Variants in CACHD1 observed in about 807,000 individuals in gnomAD.
CACHD1 encodes the protein VWFA and cache domain-containing protein 1.
A neutral mutation model predicts 138.7 loss-of-function variants in CACHD1; 71 were observed. That is an observed-to-expected ratio of 0.51 (90% CI 0.42 to 0.62). CACHD1 has a LOEUF of 0.62. Among genes scored for constraint, CACHD1 ranks in the 20% least tolerant of loss-of-function variants. The pLI is 0.00. For synonymous variants in CACHD1, 578 were observed against 591.5 expected (o/e 0.98, Z 0.33); for missense variants, 1,389 against 1,625.3 (o/e 0.85, Z 2.50).
chr1:64,565,520 G>T (rs976552985), intron 2 of CACHD1, among the ~76,000 whole-genome samples: 9 of 152,188 alleles, frequency 5.9e-5, no homozygotes, highest in African/African-American at 2.2e-4. Context: ...ATCTCTGTCC[G>T]TCTTAGCTCT....
chr1:64,499,432 T>C (rs368894388), intron 1 of CACHD1, among the ~76,000 whole-genome samples: 2 of 152,216 alleles, frequency 1.3e-5, no homozygotes, highest in African/African-American at 4.8e-5. Context: ...CCACACACTT[T>C]GCAAAACATG....
chr1:64,475,224 G>A (rs1434630688), intron 1 of CACHD1, among the ~76,000 whole-genome samples: 1 of 131,666 alleles, frequency 7.6e-6, no homozygotes, highest in African/African-American at 2.7e-5. Flanking sequence ...TGTCACCTAG[G>A]CTGGAGTGCA....
At chr1:64,589,491 C>CGT (rs202013898) in intron 3 of CACHD1, among the ~76,000 whole-genome samples, 30 of 151,284 alleles carry the variant, frequency 2.0e-4, no homozygotes, top group African/African-American at 4.4e-4. Context: ...TGTGTGCGTG[C>CGT]GTGTGTGTGT....
intron 2 of CACHD1, among the ~76,000 whole-genome samples, chr1:64,568,581 G>A (rs558157512): frequency 1.5e-4 from 23 of 152,170 alleles, no homozygotes; most frequent in African/African-American, 5.1e-4. Context: ...TCTATTTTAA[G>A]GAAAACATAC....
In CACHD1 at chr1:64,691,543, T is replaced by C. The variant is rs777642154; in HGVS notation, c.3807T>C (p.Thr1269=). The C allele has an allele frequency of 2.5e-6, 4 of 1,613,814 alleles. No individual in the cohort carries two copies. The highest frequency in any genetic ancestry group is 1.7e-4 in the Middle Eastern group (1 of 6,060). The change falls in exon 27 of 27, where the codon ACT becomes ACC. Residue 1269 remains threonine, a synonymous_variant. Transcript: ENST00000651257. ...HHLQAAVTVH[T]VDAEC The stretch of plus-strand genomic sequence containing the variant: ...TACAGGCGGCCGTCACGGTACACAC[T>C]GTCGATGCAGAATGCTAACAATCTC...
chr1:64,604,610 T>C (rs1047637450), intron 4 of CACHD1, among the ~76,000 whole-genome samples: 33 of 152,286 alleles, frequency 2.2e-4, no homozygotes, highest in African/African-American at 6.5e-4. Context: ...TAATCCAACA[T>C]TGTATGTAGT....
intron 1 of CACHD1, among the ~76,000 whole-genome samples, chr1:64,538,204 C>T (rs967399370): frequency 2.6e-5 from 4 of 152,196 alleles, no homozygotes; most frequent in East Asian, 1.9e-4. Context: ...ATTAGCATCA[C>T]ATTTATTCCA....
intron 2 of CACHD1, among the ~76,000 whole-genome samples, chr1:64,572,478 G>A (rs993979623): frequency 6.6e-6 from 1 of 152,132 alleles, no homozygotes; most frequent in African/African-American, 2.4e-5. Context: ...TTGAGCCCTT[G>A]AGTTGATAAC....
At chr1:64,587,944 A>G (rs1166033109) in intron 3 of CACHD1, among the ~76,000 whole-genome samples, 2 of 151,950 alleles carry the variant, frequency 1.3e-5, no homozygotes, top group Non-Finnish European at 2.9e-5. Context: ...AAGATTAGCA[A>G]TTTAGAAATC....
chr1:64,559,183 G>T (rs1338743530), intron 2 of CACHD1, among the ~76,000 whole-genome samples: 2 of 152,166 alleles, frequency 1.3e-5, no homozygotes, highest in Non-Finnish European at 2.9e-5. Context: ...CTACTCTAAA[G>T]ACACATGTGT....
At chr1:64,632,549 G>A in intron 5 of CACHD1, 50 bp from the exon 6 acceptor site, 1 of 1,602,560 alleles carries the variant, frequency 6.2e-7, no homozygotes, top group Non-Finnish European at 8.5e-7. Context: ...TTAAGTTGAG[G>A]CCCTTTACCT....
chr1:64,524,518 G>T lies in CACHD1; in HGVS notation c.199-26076G>T, dbSNP rs78203123. Among the ~76,000 whole-genome samples, 231 of 152,172 alleles carry T rather than the reference G, an allele frequency of 1.5e-3. 1 individual carries two copies. The highest frequency in any genetic ancestry group is 5.4e-3 in the African/African-American group (226 of 41,508). On this transcript the variant is annotated intron_variant, in intron 1 of 26. Coordinates refer to ENST00000651257, the MANE Select transcript of CACHD1 (RefSeq NM_020925.4). The stretch of plus-strand genomic sequence containing the variant: ...TCTGTGCCTCAGTTTTCCTAACCAG[G>T]GATATAGGAATAATGTAATATGTAG...
intron 1 of CACHD1, among the ~76,000 whole-genome samples, chr1:64,504,648 G>T (rs552661710): frequency 2.0e-5 from 3 of 152,258 alleles, no homozygotes; most frequent in Non-Finnish European, 4.4e-5. Flanking sequence ...TATTTAGGAA[G>T]AATAAATAAA....
intron 1 of CACHD1, among the ~76,000 whole-genome samples, chr1:64,548,493 G>A (rs1047915476): frequency 6.6e-5 from 10 of 152,178 alleles, no homozygotes; most frequent in Non-Finnish European, 1.5e-4. Flanking sequence ...ACATTGACCA[G>A]GCCTCTAAGA....
At chr1:64,664,359 C>G in intron 14 of CACHD1, 139 bp from the exon 15 acceptor site, 1 of 729,150 alleles carries the variant, frequency 1.4e-6, no homozygotes. Context: ...TTGGTTGCAT[C>G]CATCTGCTGT....
intron 7 of CACHD1, among the ~76,000 whole-genome samples, chr1:64,635,464 A>G (rs1343317266): frequency 6.8e-6 from 1 of 146,560 alleles, no homozygotes; most frequent in Admixed American, 6.9e-5. Flanking sequence ...GCTCACTGCA[A>G]CCTCCACCTC....
chr1:64,500,934 A>G lies in CACHD1; in HGVS notation c.198+29992A>G, dbSNP rs1646336294. 2.0e-5 allele frequency among the ~76,000 whole-genome samples: 3 copies of G among 151,888 alleles called. No homozygotes were observed. The South Asian group carries it at 6.3e-4, about 32-fold the overall frequency. The stretch of plus-strand genomic sequence containing the variant: ...CGTGGTGGCAAGTGCCTATAATCCC[A>G]GGTACTTGGGAGGCTGAGGCAGGAG... On this transcript the variant is annotated intron_variant, in intron 1 of 26. Transcript: ENST00000651257.
intron 1 of CACHD1, among the ~76,000 whole-genome samples, chr1:64,518,490 G>GT (rs1016433402): frequency 1.3e-5 from 2 of 152,068 alleles, no homozygotes; most frequent in Admixed American, 6.5e-5. Flanking sequence ...TTGGAAATCT[G>GT]TTTTTTTAGT....
At chr1:64,485,531 A>G (rs1364785008) in intron 1 of CACHD1, among the ~76,000 whole-genome samples, 2 of 152,084 alleles carry the variant, frequency 1.3e-5, no homozygotes, top group African/African-American at 4.8e-5. Context: ...GATATGCCAC[A>G]GTTTGCTTAC....
Sources: allele counts gnomAD v4.1 joint callset (sites outside exome capture counted in the v4.1 genomes callset), GRCh38; gene constraint gnomAD v4.1.1; transcripts MANE v1.5; gene names NCBI Gene and HGNC (gene_info 2026-07-23, HGNC 2026-07-21).